FAM193A: variants seen among roughly 807,000 people sequenced by gnomAD.
FAM193A encodes the protein protein FAM193A.
A neutral mutation model predicts 126.5 loss-of-function variants in FAM193A; 22 were observed. The observed-to-expected ratio is 0.17, with a 90% confidence interval of 0.12 to 0.25. FAM193A has a LOEUF of 0.25. Ranked by LOEUF, FAM193A falls within the 10% of genes least tolerant of loss-of-function variation. FAM193A has a pLI of 1.00. For missense variants in FAM193A, 1,675 were observed against 1,672.8 expected, an observed-to-expected ratio of 1.00 and a Z score of -0.02; for synonymous variants, 761 against 646.8, an observed-to-expected ratio of 1.18 and a Z score of -2.68.
At chr4:2,653,328 G>A (rs1167869522) in intron 7 of FAM193A, among the ~76,000 whole-genome samples, 2 of 152,144 alleles carry the variant, frequency 1.3e-5, no homozygotes, top group Non-Finnish European at 2.9e-5. Flanking sequence ...TCTCTCTAGG[G>A]AGAAAATAAC....
intron 20 of FAM193A, among the ~76,000 whole-genome samples, chr4:2,728,018 G>T (rs1055060429): frequency 6.6e-6 from 1 of 151,596 alleles, no homozygotes; most frequent in South Asian, 2.1e-4. Flanking sequence ...CGCAACCTCC[G>T]CCTGCCGGGT....
chr4:2,544,116 A>G (rs1737407019), intron 1 of FAM193A, among the ~76,000 whole-genome samples: 1 of 152,146 alleles, frequency 6.6e-6, no homozygotes, highest in African/African-American at 2.4e-5. Flanking sequence ...AAAAATGTAG[A>G]ACTTCCTGTG....
intron 1 of FAM193A, among the ~76,000 whole-genome samples, chr4:2,589,774 A>G (rs1740417293): frequency 1.3e-5 from 2 of 152,172 alleles, no homozygotes; most frequent in African/African-American, 2.4e-5. Flanking sequence ...AAAGGGTGAA[A>G]AGGGCACAGG....
chr4:2,657,865 A>G lies in FAM193A; in HGVS notation c.1374A>G (p.Arg458=), dbSNP rs773044620. 6.2e-7 allele frequency: 1 copy of G among 1,611,112 alleles called. No homozygotes were observed. ...ACTGGGAGCTTTTTAAACAAAGAAG[A>G]TTCATTGAAGAACAGGTAAGCTTGT... ...TEDWELFKQR[R]FIEEQLTNKK... Residue 458 remains arginine, a synonymous_variant, in exon 8 of 21, where the codon AGA becomes AGG. Transcript: ENST00000637812.
intron 4 of FAM193A, among the ~76,000 whole-genome samples, chr4:2,630,182 T>C (rs1198320828): frequency 6.6e-6 from 1 of 151,274 alleles, no homozygotes; most frequent in Non-Finnish European, 1.5e-5. Context: ...TCAAAAATAA[T>C]GGATTATCCC....
intron 2 of FAM193A, among the ~76,000 whole-genome samples, chr4:2,597,646 C>A (rs1387906807): frequency 6.6e-6 from 1 of 152,150 alleles, no homozygotes; most frequent in East Asian, 1.9e-4. Context: ...AAACAGTGAC[C>A]TTGGGAACAG....
chr4:2,672,351 G>T lies in FAM193A; in HGVS notation c.2310G>T (p.Thr770=). 2 of 1,613,992 alleles carry T rather than the reference G, an allele frequency of 1.2e-6. No homozygotes were observed. Among genetic ancestry groups the T allele is most frequent in the East Asian group, 4.5e-5 (2 of 44,880 alleles). The part of the protein sequence containing the change: ...RPLIHPTLYA[T]PPFTHSKALP... ...TCATCCACCCCACCTTGTATGCAACGCCCCCCTTCACACACAGTAAGGTAA... is the reference window on the plus strand; with the variant it reads ...TCATCCACCCCACCTTGTATGCAACTCCCCCCTTCACACACAGTAAGGTAA... The change falls in exon 13 of 21, where the codon ACG becomes ACT. Residue 770 remains threonine (T), a synonymous_variant. Transcript: ENST00000637812.
intron 2 of FAM193A, chr4:2,607,929 C>T: frequency 7.6e-7 from 1 of 1,312,974 alleles, no homozygotes. Context: ...GATGGTGTCG[C>T]TTTATGAACA....
intron 13 of FAM193A, among the ~76,000 whole-genome samples, chr4:2,683,402 C>T (rs1355525016): frequency 6.6e-6 from 1 of 152,024 alleles, no homozygotes; most frequent in African/African-American, 2.4e-5. Flanking sequence ...TCAAGTGATG[C>T]TCCTGTCTCA....
At chr4:2,577,413 TTTTTTTTTG>T (rs1212682619) in intron 1 of FAM193A, among the ~76,000 whole-genome samples, 5 of 119,942 alleles carry the variant, frequency 4.2e-5, no homozygotes, top group Admixed American at 3.2e-4. Flanking sequence ...TTAAAGTGGT[TTTTTTTTTG>T]TTTTTTTTTT....
intron 2 of FAM193A, chr4:2,607,899 T>G (rs1741637580): frequency 1.0e-6 from 1 of 959,720 alleles, no homozygotes; most frequent in African/African-American, 1.7e-5. Context: ...TGTTTCTTTT[T>G]TGTCTGTTTT....
At chr4:2,636,261 C>T (rs1744079833) in intron 5 of FAM193A, among the ~76,000 whole-genome samples, 1 of 151,954 alleles carries the variant, frequency 6.6e-6, no homozygotes, top group Non-Finnish European at 1.5e-5. Flanking sequence ...GTCGGGGTTT[C>T]ACTGTGTTAG....
At chr4:2,654,663 A>G (rs1288898393) in intron 7 of FAM193A, 1 of 157,846 alleles carries the variant, frequency 6.3e-6, no homozygotes, top group Non-Finnish European at 1.4e-5. Flanking sequence ...CTGCAGACAT[A>G]TACAATGAAA....
intron 7 of FAM193A, among the ~76,000 whole-genome samples, chr4:2,652,841 G>C (rs957161840): frequency 6.6e-6 from 1 of 152,334 alleles, no homozygotes; most frequent in East Asian, 1.9e-4. Context: ...AGTATAGTTA[G>C]TGATAACATA....
chr4:2,575,229 G>A (rs1455943884), intron 1 of FAM193A, among the ~76,000 whole-genome samples: 2 of 152,134 alleles, frequency 1.3e-5, no homozygotes, highest in Non-Finnish European at 2.9e-5. Context: ...GTGACGAGAC[G>A]GTGGAAGAGA....
intron 1 of FAM193A, among the ~76,000 whole-genome samples, chr4:2,540,011 G>A (rs1244271227): frequency 1.3e-5 from 2 of 151,736 alleles, no homozygotes; most frequent in South Asian, 2.1e-4. Context: ...CCAGCTACTC[G>A]GGAGACTGAG....
chr4:2,721,476 A>G (rs1341874301), intron 20 of FAM193A, among the ~76,000 whole-genome samples: 1 of 152,130 alleles, frequency 6.6e-6, no homozygotes, highest in Non-Finnish European at 1.5e-5. Context: ...CAATAGAGAG[A>G]TCCTTTCTCC....
chr4:2,682,862 T>G (rs1285403670), intron 13 of FAM193A, among the ~76,000 whole-genome samples: 2 of 152,262 alleles, frequency 1.3e-5, no homozygotes, highest in Non-Finnish European at 2.9e-5. Context: ...GTGATGATGA[T>G]TACTTTCAAC....
chr4:2,558,187 G>T (rs868691472), intron 1 of FAM193A, among the ~76,000 whole-genome samples: 5 of 151,558 alleles, frequency 3.3e-5, no homozygotes, highest in South Asian at 2.1e-4. Context: ...CAGGAGAATC[G>T]CTTGAACCGG....
Sources: allele counts gnomAD v4.1 joint callset (sites outside exome capture counted in the v4.1 genomes callset), GRCh38; gene constraint gnomAD v4.1.1; transcripts MANE v1.5; gene names NCBI Gene and HGNC (gene_info 2026-07-23, HGNC 2026-07-21).